The following ABL1 variants were observed in gnomAD, a reference collection of about 807,000 sequenced individuals.
The protein encoded by ABL1 is tyrosine-protein kinase ABL1.
Under a neutral mutation model 94.7 loss-of-function variants are expected in ABL1, and 11 were observed. That is an observed-to-expected ratio of 0.12 (90% CI 0.07 to 0.19). The LOEUF (loss-of-function observed/expected upper bound fraction) is 0.19, where lower values mean the gene tolerates loss of function less well. Among genes scored for constraint, ABL1 ranks in the 10% least tolerant of loss-of-function variants. ABL1 has a pLI of 1.00. For missense variants in ABL1, 1,082 were observed against 1,489.4 expected (o/e 0.73, Z 4.50); for synonymous variants, 656 against 622.4 (o/e 1.05, Z -0.80).
At chr9:130,766,155 G>T (rs1041465693) in intron 1 of ABL1, among the ~76,000 whole-genome samples, 1 of 152,200 alleles carries the variant, frequency 6.6e-6, no homozygotes, top group East Asian at 1.9e-4. Flanking sequence ...GCGTTGGTGC[G>T]CTCTCAAGAA....
chr9:130,793,316 G>T (rs1351214230), intron 1 of ABL1, among the ~76,000 whole-genome samples: 1 of 152,140 alleles, frequency 6.6e-6, no homozygotes, highest in Non-Finnish European at 1.5e-5. Context: ...TTCTTTAAAA[G>T]TTTTTTCCAT....
intron 1 of ABL1, among the ~76,000 whole-genome samples, chr9:130,759,117 C>T (rs867644353): frequency 7.3e-5 from 11 of 149,730 alleles, no homozygotes; most frequent in African/African-American, 1.0e-4. Flanking sequence ...GAAGAGAAGA[C>T]GACACTTAAA....
chr9:130,770,863 C>A (rs1832243335), intron 1 of ABL1, among the ~76,000 whole-genome samples: 1 of 152,180 alleles, frequency 6.6e-6, no homozygotes, highest in African/African-American at 2.4e-5. Context: ...TACCCCTTAA[C>A]CTAGTCCCTT....
At chr9:130,776,570 C>CG (rs549254933) in intron 1 of ABL1, among the ~76,000 whole-genome samples, 29 of 121,072 alleles carry the variant, frequency 2.4e-4, no homozygotes, top group Non-Finnish European at 3.4e-4. Flanking sequence ...AAGTGAGACT[C>CG]TATCTCAAAA....
chr9:130,788,677 T>G (rs1829864116), intron 1 of ABL1, among the ~76,000 whole-genome samples: 1 of 152,220 alleles, frequency 6.6e-6, no homozygotes, highest in Non-Finnish European at 1.5e-5. Flanking sequence ...TCTCTCTGCC[T>G]TGCATGACAT....
rs375730000 is a variant in ABL1 at position 130,714,339 on chromosome 9, A to G, written c.20A>G (p.Lys7Arg). ...TACTTTATGGGGCAGCAGCCTGGAAAAGTACTTGGGGACCAAAGAAGGCCA... is the reference window on the plus strand; with the variant it reads ...TACTTTATGGGGCAGCAGCCTGGAAGAGTACTTGGGGACCAAAGAAGGCCA... The change falls in exon 1 of 11, where the codon AAA becomes AGA. Residue 7 changes from lysine (K) to arginine (R), a missense_variant. By Grantham distance (26) the Lys-to-Arg change is conservative. Transcript: ENST00000372348. 16 of 1,610,968 alleles carry G rather than the reference A, an allele frequency of 9.9e-6. No homozygotes were observed. Among genetic ancestry groups the G allele is most frequent in the Non-Finnish European group, 1.3e-5 (15 of 1,178,266 alleles).
At chr9:130,875,717 T>C (rs1167446657) in intron 7 of ABL1, among the ~76,000 whole-genome samples, 1 of 152,204 alleles carries the variant, frequency 6.6e-6, no homozygotes, top group African/African-American at 2.4e-5. Context: ...GGTTTGACTG[T>C]TTCTCTTTTA....
chr9:130,790,522 T>TACA (rs1301037974), intron 1 of ABL1, among the ~76,000 whole-genome samples: 1 of 151,848 alleles, frequency 6.6e-6, no homozygotes, highest in Non-Finnish European at 1.5e-5. Flanking sequence ...TTCATTCTGT[T>TACA]GGCCAGGCTG....
At chr9:130,828,812 G>A (rs1830459830) in intron 1 of ABL1, among the ~76,000 whole-genome samples, 1 of 152,114 alleles carries the variant, frequency 6.6e-6, no homozygotes, top group African/African-American at 2.4e-5. Context: ...TAATAACGAA[G>A]AAACAAATGG....
intron 1 of ABL1, among the ~76,000 whole-genome samples, chr9:130,716,533 A>G (rs748201948): frequency 1.3e-5 from 2 of 152,210 alleles, no homozygotes; most frequent in East Asian, 1.9e-4. Context: ...ACAGTAAAGT[A>G]TAATGATTAT....
chr9:130,826,241 C>T (rs971913260), intron 1 of ABL1, among the ~76,000 whole-genome samples: 2 of 152,008 alleles, frequency 1.3e-5, no homozygotes, highest in Non-Finnish European at 2.9e-5. Flanking sequence ...CTGTCTGAGC[C>T]TCCTGAGTAG....
At chr9:130,795,444 T>G (rs919489406) in intron 1 of ABL1, among the ~76,000 whole-genome samples, 2 of 152,164 alleles carry the variant, frequency 1.3e-5, no homozygotes, top group African/African-American at 2.4e-5. Context: ...GCACGACAGA[T>G]TAGAAACTTC....
intron 1 of ABL1, among the ~76,000 whole-genome samples, chr9:130,764,953 CAAAA>C (rs796266543): frequency 9.5e-6 from 1 of 105,110 alleles, no homozygotes. Context: ...AAGACTGTCT[CAAAA>C]AAAAAAAAAA....
intron 4 of ABL1, among the ~76,000 whole-genome samples, chr9:130,869,095 A>G (rs1405910809): frequency 2.0e-5 from 3 of 151,894 alleles, no homozygotes; most frequent in African/African-American, 7.3e-5. Context: ...TGAACCTGGG[A>G]GGCGGAGCTT....
intron 1 of ABL1, among the ~76,000 whole-genome samples, chr9:130,739,418 A>C (rs1831788062): frequency 1.3e-5 from 2 of 151,720 alleles, no homozygotes; most frequent in Admixed American, 1.3e-4. Context: ...GTTACAATGG[A>C]GAAAAACCTT....
chr9:130,869,057 C>T (rs1365834348), intron 4 of ABL1, among the ~76,000 whole-genome samples: 2 of 152,002 alleles, frequency 1.3e-5, no homozygotes, highest in Admixed American at 6.6e-5. Context: ...GTCCCAGCTA[C>T]TCGGGAGGCT....
At chr9:130,819,358 A>ATAAATAAATAAATAAAAGAC (rs1440584449) in intron 1 of ABL1, among the ~76,000 whole-genome samples, 1 of 151,706 alleles carries the variant, frequency 6.6e-6, no homozygotes. Flanking sequence ...CATCTCAAAA[A>ATAAATAAATAAATAAAAGAC]TAAATAAATA....
intron 1 of ABL1, among the ~76,000 whole-genome samples, chr9:130,783,653 T>G (rs1282085040): frequency 6.6e-6 from 1 of 151,718 alleles, no homozygotes; most frequent in Non-Finnish European, 1.5e-5. Flanking sequence ...TTTGTTTGTT[T>G]GTTTGTTTTT....
chr9:130,806,612 C>G (rs775850063), intron 1 of ABL1, among the ~76,000 whole-genome samples: 2 of 152,000 alleles, frequency 1.3e-5, no homozygotes, highest in African/African-American at 2.4e-5. Context: ...CCCAGAAGTT[C>G]AAGACCAGCC....
Sources: allele counts gnomAD v4.1 joint callset (sites outside exome capture counted in the v4.1 genomes callset), GRCh38; gene constraint gnomAD v4.1.1; transcripts MANE v1.5; gene names NCBI Gene and HGNC (gene_info 2026-07-23, HGNC 2026-07-21).